Variants in SLF1 observed in about 807,000 individuals in gnomAD.
The protein encoded by SLF1 is SMC5-SMC6 complex localization factor protein 1.
A neutral mutation model predicts 123.0 loss-of-function variants in SLF1; 105 were observed. The ratio of observed to expected loss-of-function variants is 0.85; its 90% CI spans 0.73 to 1.00. The LOEUF (loss-of-function observed/expected upper bound fraction) is 1.00, where lower values mean the gene tolerates loss of function less well. Among genes scored for constraint, SLF1 ranks in the 50% least tolerant of loss-of-function variants. The probability of loss-of-function intolerance (pLI) is 0.00; values close to 1 mark genes in which losing one functional copy is unlikely to be tolerated. For missense variants in SLF1, 1,239 were observed against 1,223.0 expected, an observed-to-expected ratio of 1.01 and a Z score of -0.20; for synonymous variants, 434 against 406.6, an observed-to-expected ratio of 1.07 and a Z score of -0.81.
At chr5:94,652,304 C>T (rs1747833534) in intron 7 of SLF1, among the ~76,000 whole-genome samples, 1 of 152,168 alleles carries the variant, frequency 6.6e-6, no homozygotes, top group Admixed American at 6.5e-5. Flanking sequence ...CCACTGCGCC[C>T]AGCCTGCTAT....
Position 94,665,956 on chromosome 5 carries a change from T to A in SLF1, c.1464T>A (p.Tyr488Ter), listed in dbSNP as rs546479117. 1 of 1,551,256 alleles carries A rather than the reference T, an allele frequency of 6.4e-7. No individual in the cohort carries two copies. The highest frequency in any genetic ancestry group is 8.7e-7 in the Non-Finnish European group (1 of 1,146,690). The change falls in exon 12 of 21, where the codon TAT becomes TAA. Residue 488 changes from tyrosine to a stop codon, truncating the protein, a stop_gained. Transcript: ENST00000265140. LOFTEE classifies it high-confidence loss of function. ...PPWKSPAMSR[Y>*]YLELFQCPTC... ...GGAAGTCTCCAGCCATGTCGAGATATTATTTAGAGTTGTTTCAGTGTCCAA... is the reference window on the plus strand; with the variant it reads ...GGAAGTCTCCAGCCATGTCGAGATAATATTTAGAGTTGTTTCAGTGTCCAA...
intron 1 of SLF1, among the ~76,000 whole-genome samples, chr5:94,625,346 A>G (rs17083828): frequency 0.22 from 33,829 of 151,948 alleles, 3,897 homozygotes; most frequent in East Asian, 0.34. Context: ...CAGCATTTCT[A>G]AAAAGACCTA....
rs967120820 is a variant in SLF1 at position 94,689,894 on chromosome 5, G to A, written c.2419+288G>A. On this transcript the variant is annotated intron_variant, in intron 18 of 20. Coordinates refer to ENST00000265140, the MANE Select transcript of SLF1 (RefSeq NM_032290.4). ...CATTGAGCTCATTCCAGACTTGCCC[G>A]CCTTACTTTTCTATTCCATCTCAAC... is the stretch of plus-strand genomic sequence containing the variant. 9.2e-5 allele frequency among the ~76,000 whole-genome samples: 14 copies of A among 152,080 alleles called. No homozygotes were observed. In the Middle Eastern group the frequency reaches 0.014, roughly 148 times the overall value.
In SLF1 at chr5:94,665,870, G is replaced by C; in HGVS notation, c.1378G>C (p.Asp460His). 6.5e-7 allele frequency: 1 copy of C among 1,542,916 alleles called. No homozygotes were observed. The highest frequency in any genetic ancestry group is 8.8e-7 in the Non-Finnish European group (1 of 1,139,486). Residue 460 changes from aspartate to histidine, a missense_variant, in exon 12 of 21, where the codon GAT becomes CAT. Physicochemically the swap from Asp to His is moderately conservative, Grantham distance 81 (BLOSUM62 -1). Transcript: ENST00000265140. ...TATTTTTAAATAATAGGATAACATAGATACATTTTCTGGTCGATACTTTCA... is the reference window on the plus strand; with the variant it reads ...TATTTTTAAATAATAGGATAACATACATACATTTTCTGGTCGATACTTTCA... ...LLENVLQDNI[D>H]TFSGRYFHIL...
chr5:94,637,798 G>C (rs957625171), intron 4 of SLF1, among the ~76,000 whole-genome samples: 1 of 152,104 alleles, frequency 6.6e-6, no homozygotes, highest in African/African-American at 2.4e-5. Context: ...GGCAGAACTA[G>C]CCCCCACTCT....
intron 4 of SLF1, among the ~76,000 whole-genome samples, chr5:94,633,610 A>G (rs1203822288): frequency 6.6e-6 from 1 of 152,228 alleles, no homozygotes; most frequent in Non-Finnish European, 1.5e-5. Context: ...AATTGCAAAG[A>G]AAGAAAAATA....
intron 14 of SLF1, 57 bp from the exon 15 acceptor site, chr5:94,678,751 T>C: frequency 6.9e-7 from 1 of 1,449,970 alleles, no homozygotes; most frequent in Non-Finnish European, 9.4e-7. Context: ...AAATAAATAC[T>C]AACAGAAATT....
At position 94,638,457 on chromosome 5, in the gene SLF1, C is replaced by T. The variant is rs1030286507; in HGVS notation, c.432-4816C>T. Among the ~76,000 whole-genome samples, 48 of 152,226 alleles carry T rather than the reference C, an allele frequency of 3.2e-4. 1 individual carries two copies. The highest frequency in any genetic ancestry group is 1.1e-3 in the African/African-American group (46 of 41,538). ...CCTCCCAAAGTGCTGGGATTACAGG[C>T]GTGAGCCACCACGCCTGGCCTCCTT... On this transcript the variant is annotated intron_variant, in intron 4 of 20. Transcript: ENST00000265140.
chr5:94,673,939 A>G (rs1226441417), intron 14 of SLF1, among the ~76,000 whole-genome samples: 4 of 152,070 alleles, frequency 2.6e-5, no homozygotes, highest in Non-Finnish European at 5.9e-5. Flanking sequence ...CCAGGTGAGT[A>G]GACACTGTTT....
intron 20 of SLF1, among the ~76,000 whole-genome samples, chr5:94,694,373 A>C (rs1753357724): frequency 6.6e-6 from 1 of 151,898 alleles, no homozygotes; most frequent in Non-Finnish European, 1.5e-5. Flanking sequence ...CTATCTGTGC[A>C]AGGTTTTGTA....
chr5:94,682,888 T>C (rs1751976495), intron 15 of SLF1, among the ~76,000 whole-genome samples: 1 of 152,246 alleles, frequency 6.6e-6, no homozygotes, highest in Admixed American at 6.5e-5. Context: ...ACTGGCTTTT[T>C]AGGCCCTACA....
intron 15 of SLF1, among the ~76,000 whole-genome samples, chr5:94,681,767 G>T (rs996676185): frequency 1.3e-5 from 2 of 151,680 alleles, no homozygotes; most frequent in Admixed American, 6.6e-5. Context: ...TTGTTCTTGC[G>T]ATAGTTTACT....
chr5:94,693,188 G>A (rs1727783772), intron 20 of SLF1, among the ~76,000 whole-genome samples: 1 of 152,014 alleles, frequency 6.6e-6, no homozygotes, highest in South Asian at 2.1e-4. Context: ...TATAGCATGG[G>A]AGTTTAAGAC....
intron 20 of SLF1, among the ~76,000 whole-genome samples, chr5:94,692,493 C>T (rs1350687480): frequency 6.6e-6 from 1 of 151,908 alleles, no homozygotes; most frequent in African/African-American, 2.4e-5. Context: ...TATTTAGGTT[C>T]GTGTATGAGA....
intron 5 of SLF1, among the ~76,000 whole-genome samples, chr5:94,644,998 C>T (rs1003967310): frequency 6.6e-6 from 1 of 152,104 alleles, no homozygotes; most frequent in African/African-American, 2.4e-5. Context: ...GTTACCTTTC[C>T]CTAATGAGTA....
chr5:94,680,937 CT>C (rs1751685745), intron 15 of SLF1, among the ~76,000 whole-genome samples: 1 of 152,140 alleles, frequency 6.6e-6, no homozygotes, highest in Non-Finnish European at 1.5e-5. Flanking sequence ...TCCCAAAGAT[CT>C]ATTAATATAT....
At chr5:94,678,611 CTT>C (rs531736093) in intron 14 of SLF1, 195 bp from the exon 15 acceptor site, 16 of 432,986 alleles carry the variant, frequency 3.7e-5, no homozygotes, top group East Asian at 3.0e-4. Context: ...TTTGTTAACT[CTT>C]TTGTCATGTG....
At chr5:94,679,086 C>T in intron 15 of SLF1, 131 bp downstream of exon 15, 8 of 905,348 alleles carry the variant, frequency 8.8e-6, no homozygotes, top group South Asian at 1.8e-5. Flanking sequence ...GATGCACGCA[C>T]ACATAGATTC....
rs1277281915 is a variant in SLF1 at position 94,695,125 on chromosome 5, A to G, written c.2990A>G (p.Lys997Arg). ...CTGCTTATGGCTTGTAAAAGTCATAAAGAAACCACCAGTGTTCATACTGAC... is the reference window on the plus strand; with the variant it reads ...CTGCTTATGGCTTGTAAAAGTCATAGAGAAACCACCAGTGTTCATACTGAC... ...NELLMACKSHKETTSVHTDWL... is the reference protein window; with the variant it reads ...NELLMACKSHRETTSVHTDWL... The change falls in exon 21 of 21, where the codon AAA (lysine) becomes AGA (arginine). Residue 997 changes from lysine to arginine, a missense_variant. Lys to Arg is a conservative substitution (Grantham distance 26, BLOSUM62 2). Coordinates refer to ENST00000265140, the MANE Select transcript of SLF1 (RefSeq NM_032290.4). 3.7e-6 allele frequency: 6 copies of G among 1,612,720 alleles called. No individual in the cohort carries two copies. The East Asian group carries it at 1.3e-4, about 36-fold the overall frequency.
Sources: gnomAD v4.1 joint callset for allele counts (sites outside exome capture counted in the v4.1 genomes callset) on GRCh38, gnomAD v4.1.1 for gene constraint, MANE v1.5 for transcripts, NCBI Gene and HGNC (gene_info 2026-07-23, HGNC 2026-07-21) for gene names.